The following NYAP2 variants were observed in gnomAD, a reference collection of about 807,000 sequenced individuals.
NYAP2 encodes neuronal tyrosine-phosphorylated phosphoinositide-3-kinase adaptor 2.
A neutral mutation model predicts 50.4 loss-of-function variants in NYAP2; 23 were observed. The observed-to-expected ratio is 0.46, with a 90% confidence interval of 0.33 to 0.65. NYAP2 has a LOEUF of 0.65. NYAP2 is among the 30% of genes least tolerant of loss of function. The probability of loss-of-function intolerance (pLI) is 0.02; values close to 1 mark genes in which losing one functional copy is unlikely to be tolerated. For missense variants in NYAP2, 885 were observed against 861.0 expected (o/e 1.03, Z -0.35); for synonymous variants, 394 against 365.2 (o/e 1.08, Z -0.90).
chr2:225,569,440 G>A (rs910354248), intron 4 of NYAP2, among the ~76,000 whole-genome samples: 2 of 144,638 alleles, frequency 1.4e-5, no homozygotes, highest in African/African-American at 5.8e-5. Flanking sequence ...GAGGAGTGAG[G>A]GGGGGAGGTG....
intron 3 of NYAP2, among the ~76,000 whole-genome samples, chr2:225,409,910 T>C (rs1336603067): frequency 2.6e-5 from 4 of 152,070 alleles, no homozygotes; most frequent in Non-Finnish European, 5.9e-5. Flanking sequence ...ATCCAGAATA[T>C]AGGGACTTAA....
intron 5 of NYAP2, 112 bp downstream of exon 5, chr2:225,583,147 G>T (rs1692329930): frequency 3.1e-6 from 4 of 1,282,296 alleles, no homozygotes; most frequent in Non-Finnish European, 4.2e-6. Flanking sequence ...AGGCCTTGGA[G>T]TTGAAATCTT....
chr2:225,398,746 G>T (rs1379709213), upstream of NYAP2, among the ~76,000 whole-genome samples: 1 of 151,988 alleles, frequency 6.6e-6, no homozygotes, highest in Middle Eastern at 3.4e-3. Context: ...ATCTAATCTT[G>T]CAGAATCCTT....
At chr2:225,615,587 T>C (rs1196304770) in intron 5 of NYAP2, among the ~76,000 whole-genome samples, 2 of 152,228 alleles carry the variant, frequency 1.3e-5, no homozygotes, top group Non-Finnish European at 2.9e-5. Context: ...TAAGTCAGTG[T>C]GTGTGTTCCC....
intron 3 of NYAP2, among the ~76,000 whole-genome samples, chr2:225,479,763 G>A (rs950540027): frequency 1.3e-5 from 2 of 151,926 alleles, no homozygotes; most frequent in African/African-American, 4.8e-5. Context: ...CGATTCAGAG[G>A]TTAAATTTAG....
In NYAP2 at chr2:225,582,825, C is replaced by T; in HGVS notation, c.1408C>T (p.Pro470Ser). ...TTCGGGCAGCCTCTCAAGGAGCTCT[C>T]CTTCAGTGCCTCACTCGACCCCCAG... Residue 470 changes from proline (P) to serine (S), a missense_variant, in exon 5 of 7, where the codon CCT becomes TCT. Physicochemically the swap from Pro to Ser is moderately conservative, Grantham distance 74. Transcript: ENST00000636099. The surrounding 1 kb of genome is among the most constrained non-coding windows in gnomAD (Gnocchi z 7.0). 1 of 1,613,942 alleles carries T rather than the reference C, an allele frequency of 6.2e-7. No homozygotes were observed. The highest frequency in any genetic ancestry group is 8.5e-7 in the Non-Finnish European group (1 of 1,179,892).
At chr2:225,668,201 C>T in the NYAP2 span, among the ~76,000 whole-genome samples, 2 of 152,262 alleles carry the variant, frequency 1.3e-5, no homozygotes, top group South Asian at 4.1e-4. Flanking sequence ...GAGTCCAGAA[C>T]GATTTTGCTT....
the NYAP2 span, among the ~76,000 whole-genome samples, chr2:225,685,740 A>G: frequency 1.3e-5 from 2 of 152,158 alleles, no homozygotes; most frequent in East Asian, 1.9e-4. Flanking sequence ...AGATTATACC[A>G]TGGTTCTGTA....
At chr2:225,551,380 A>G (rs1204736299) in intron 4 of NYAP2, among the ~76,000 whole-genome samples, 2 of 152,234 alleles carry the variant, frequency 1.3e-5, no homozygotes, top group Non-Finnish European at 1.5e-5. Context: ...GTTGAATCCC[A>G]TAAGACTACA....
chr2:225,606,293 C>T (rs910338924), intron 5 of NYAP2, among the ~76,000 whole-genome samples: 2 of 152,196 alleles, frequency 1.3e-5, no homozygotes, highest in Non-Finnish European at 1.5e-5. Context: ...GAGGTGTGAA[C>T]TTTCTGCACT....
chr2:225,496,044 G>T (rs945523262), intron 3 of NYAP2, among the ~76,000 whole-genome samples: 1 of 152,192 alleles, frequency 6.6e-6, no homozygotes, highest in Non-Finnish European at 1.5e-5. Context: ...AGAGATGATT[G>T]ATCACAAAAT....
Position 225,582,659 on chromosome 2 carries a change from C to T in NYAP2, c.1242C>T (p.Pro414=), listed in dbSNP as rs1263677585. ...CCACCCCTGCGCTCTCCTCGTCGCCCCCACCCCCGTCTACGCTGTACCGAA... is the reference window on the plus strand; with the variant it reads ...CCACCCCTGCGCTCTCCTCGTCGCCTCCACCCCCGTCTACGCTGTACCGAA... Residue 414 remains proline, a synonymous_variant, in exon 5 of 7, where the codon CCC becomes CCT. Transcript: ENST00000636099. The surrounding 1 kb of genome is among the most constrained non-coding windows in gnomAD (Gnocchi z 7.0). The T allele has an allele frequency of 6.3e-7, 1 of 1,597,038 alleles. No homozygotes were observed. Among genetic ancestry groups the T allele is most frequent in the Non-Finnish European group, 8.5e-7 (1 of 1,171,532 alleles).
intron 6 of NYAP2, among the ~76,000 whole-genome samples, chr2:225,631,904 G>T (rs758532015): frequency 1.3e-5 from 2 of 152,048 alleles, no homozygotes; most frequent in Admixed American, 1.3e-4. Flanking sequence ...TGAAACCTCC[G>T]CCTCCTGGGT....
rs1694848156 is a variant in NYAP2 at position 225,400,838 on chromosome 2, T to C, written c.-223T>C. On this transcript the variant is annotated 5_prime_UTR_variant, in exon 2 of 7. An upstream start codon of the reference 5' UTR is lost. Coordinates refer to ENST00000636099, the Ensembl canonical transcript of NYAP2. ...CATCGAGAATGCTCTGATCTAGTGA[T>C]GAAGAATCTGGGAGTCGACACTTTT... The C allele has an allele frequency of 1.3e-5, 2 of 152,540 alleles. No homozygotes were observed. Among genetic ancestry groups the C allele is most frequent in the Non-Finnish European group, 2.9e-5 (2 of 68,004 alleles). 9.4% of individuals were successfully genotyped at this position (152,540 alleles called of 1,614,324 possible).
chr2:225,527,013 G>A (rs1213439834), intron 4 of NYAP2, among the ~76,000 whole-genome samples: 2 of 152,034 alleles, frequency 1.3e-5, no homozygotes, highest in Non-Finnish European at 2.9e-5. Context: ...GTACCCTGAG[G>A]CTCATGAATG....
In NYAP2 at chr2:225,439,433, T is replaced by C. The variant is rs563403520; in HGVS notation, c.221+30332T>C. On this transcript the variant is annotated intron_variant, in intron 3 of 6. Transcript: ENST00000636099. ...AGGATGGAAAATTGTGATTACAGAA[T>C]AAGATGTCTGAACTCATTTTTTCAG... Among the ~76,000 whole-genome samples, 45 of 152,286 alleles carry C rather than the reference T, an allele frequency of 3.0e-4. No individual in the cohort carries two copies. The South Asian group carries it at 3.9e-3, about 13-fold the overall frequency.
At chr2:225,686,621 T>A in the NYAP2 span, among the ~76,000 whole-genome samples, 1 of 152,158 alleles carries the variant, frequency 6.6e-6, no homozygotes, top group Non-Finnish European at 1.5e-5. Flanking sequence ...TGAAATAAAA[T>A]TTTAAAAATT....
chr2:225,523,344 A>C (rs997491079), intron 4 of NYAP2, among the ~76,000 whole-genome samples: 1 of 151,894 alleles, frequency 6.6e-6, no homozygotes, highest in Non-Finnish European at 1.5e-5. Context: ...CAAAAAAAAA[A>C]ACCTCCCTAT....
chr2:225,505,993 C>G (rs1048691236), intron 3 of NYAP2, among the ~76,000 whole-genome samples: 5 of 151,966 alleles, frequency 3.3e-5, no homozygotes, highest in Non-Finnish European at 7.4e-5. Flanking sequence ...CTAAAATAGT[C>G]ACGGTGGCCA....
Sources: gnomAD v4.1 joint callset for allele counts (sites outside exome capture counted in the v4.1 genomes callset) on GRCh38, gnomAD v4.1.1 for gene constraint, Gnocchi (gnomAD v3.1) non-coding constraint, MANE v1.5 for transcripts, NCBI Gene and HGNC (gene_info 2026-07-23, HGNC 2026-07-21) for gene names.